Variants in HSPA8 observed in about 807,000 individuals in gnomAD.
HSPA8 encodes heat shock protein family A (Hsp70) member 8.
HSPA8 carries 2 observed loss-of-function variants against 52.8 expected under a neutral mutation model. That is an observed-to-expected ratio of 0.04 (90% confidence interval 0.02 to 0.12). The LOEUF is 0.12. Ranked by LOEUF, HSPA8 falls within the 10% of genes least tolerant of loss-of-function variation. HSPA8 has a pLI of 1.00. For synonymous variants in HSPA8, 436 were observed against 274.0 expected (o/e 1.59, Z -5.84); for missense variants, 349 against 800.5 (o/e 0.44, Z 6.81).
At position 123,060,273 on chromosome 11, in the gene HSPA8, G is replaced by A. The variant is rs376289562; in HGVS notation, c.412-5C>T. ...GACCACAGCATTGGTAACAGTCTAG[G>A]AATAAGGAAAAGACCACAGATTGGT... On this transcript the variant is annotated splice_region_variant and splice_polypyrimidine_tract_variant and intron_variant, in intron 3 of 8. Coordinates refer to ENST00000534624, the MANE Select transcript of HSPA8 (RefSeq NM_006597.6). The A allele has an allele frequency of 1.0e-4, 164 of 1,612,356 alleles. No homozygotes were observed. Among genetic ancestry groups the A allele is most frequent in the Non-Finnish European group, 1.3e-4 (154 of 1,179,658 alleles).
At chr11:123,059,031 G>C (rs1865409813) in intron 6 of HSPA8, 28 bp downstream of exon 6, 1 of 1,584,862 alleles carries the variant, frequency 6.3e-7, no homozygotes, top group African/African-American at 1.3e-5. Flanking sequence ...TTATCAGTAA[G>C]CCAAACAAGA....
At chr11:123,061,059 T>A (rs897272450) in intron 2 of HSPA8, 61 bp downstream of exon 2, 1 of 1,451,682 alleles carries the variant, frequency 6.9e-7, no homozygotes, top group Non-Finnish European at 9.6e-7. Flanking sequence ...TCACGTTTCA[T>A]AAACTTTTGT....
At position 123,060,289 on chromosome 11, in the gene HSPA8, A is replaced by T. The variant is rs1358804074; in HGVS notation, c.412-21T>A. 10 of 1,609,430 alleles carry T rather than the reference A, an allele frequency of 6.2e-6. No individual in the cohort carries two copies. The Admixed American group carries it at 1.5e-4, about 24-fold the overall frequency. On this transcript the variant is annotated intron_variant, in intron 3 of 8. Coordinates refer to ENST00000534624, the MANE Select transcript of HSPA8 (RefSeq NM_006597.6). ...ACAGTCTAGGAATAAGGAAAAGACC[A>T]CAGATTGGTAACTATTATACTTACA...
In HSPA8 at chr11:123,058,226, GAAAAAAAA is replaced by G. The variant is rs71057327; in HGVS notation, c.1755+18_1755+25del. On this transcript the variant is annotated intron_variant, in intron 8 of 8. Transcript: ENST00000534624. The stretch of plus-strand genomic sequence containing the variant: ...CCTTCCCCTCCATTGAGTGGGGGAG[GAAAAAAAA>G]AAAAAAAAAACACAAACCTGATTCT... The G allele has an allele frequency of 1.1e-5, 11 of 1,013,512 alleles. No individual in the cohort carries two copies. The highest frequency in any genetic ancestry group is 7.6e-5 in the African/African-American group (4 of 52,590). 62.8% of individuals were successfully genotyped at this position (1,013,512 alleles called of 1,614,324 possible).
At chr11:123,061,083 G>A (rs376044760) in intron 2 of HSPA8, 37 bp downstream of exon 2, 3 of 1,563,374 alleles carry the variant, frequency 1.9e-6, no homozygotes, top group Non-Finnish European at 2.6e-6. Context: ...TCCTAGCCCT[G>A]TTATATTTGT....
intron 3 of HSPA8, 121 bp downstream of exon 3, chr11:123,060,472 T>C (rs990215076): frequency 3.3e-6 from 3 of 920,036 alleles, no homozygotes; most frequent in South Asian, 3.1e-5. Flanking sequence ...GTTGGGCACG[T>C]GGTCTTAACC....
chr11:123,059,299 GA>G (rs981966846), intron 5 of HSPA8, 38 bp from the exon 6 acceptor site: 10 of 1,563,938 alleles, frequency 6.4e-6, no homozygotes, highest in Non-Finnish European at 8.8e-6. Flanking sequence ...GAAGTTAAAA[GA>G]AAACCCAGTA....
At chr11:123,061,063 C>T in intron 2 of HSPA8, 57 bp downstream of exon 2, 6 of 1,478,306 alleles carry the variant, frequency 4.1e-6, no homozygotes, top group Non-Finnish European at 5.7e-6. Context: ...GTTTCATAAA[C>T]TTTTGTGCTT....
At position 123,058,750 on chromosome 11, in the gene HSPA8, G is replaced by C; in HGVS notation, c.1404C>G (p.Pro468=). 6.2e-7 allele frequency: 1 copy of C among 1,613,808 alleles called. No homozygotes were observed. Among genetic ancestry groups the C allele is most frequent in the East Asian group, 2.2e-5 (1 of 44,876 alleles). ...KFELTGIPPA[P]RGVPQIEVTF... ...TGACTTCAATCTGAGGAACACCTCG[G>C]GGTGCAGGAGGTATGCCTGTGAGTT... The change falls in exon 7 of 9, where the codon CCC becomes CCG. Residue 468 remains proline (P), a synonymous_variant. Transcript: ENST00000534624.
At chr11:123,061,084 TTA>T in intron 2 of HSPA8, 34 bp downstream of exon 2, 4 of 1,561,022 alleles carry the variant, frequency 2.6e-6, no homozygotes, top group Non-Finnish European at 3.5e-6. Flanking sequence ...CCTAGCCCTG[TTA>T]TATTTGTTCT....
rs376026739 is a variant in HSPA8 at position 123,059,277 on chromosome 11, T to G, written c.1121-16A>C. 2 of 1,605,800 alleles carry G rather than the reference T, an allele frequency of 1.2e-6. No individual in the cohort carries two copies. Among genetic ancestry groups the G allele is most frequent in the African/African-American group, 1.3e-5 (1 of 74,640 alleles). ...GCCTGGACAGCTAGCAAACAAAAAG[T>G]TAACGTTAAAAGAAGTTAAAAGAAA... On this transcript the variant is annotated splice_polypyrimidine_tract_variant and intron_variant, in intron 5 of 8. Coordinates refer to ENST00000534624, the MANE Select transcript of HSPA8 (RefSeq NM_006597.6).
At chr11:123,061,657 A>C (rs4935825) in intron 1 of HSPA8, 119,650 of 384,710 alleles carry the variant, frequency 0.31, 21,784 homozygotes, top group Middle Eastern at 0.4. Context: ...ACGGGCTTTT[A>C]ACTACTCCGG....
In HSPA8 at chr11:123,058,735, C is replaced by T. The variant is rs1364003168; in HGVS notation, c.1419G>A (p.Gln473=). 6.2e-7 allele frequency: 1 copy of T among 1,614,048 alleles called. No individual in the cohort carries two copies. The highest frequency in any genetic ancestry group is 8.5e-7 in the Non-Finnish European group (1 of 1,179,968). Residue 473 remains glutamine (Q), a synonymous_variant, in exon 7 of 9, where the codon CAG becomes CAA. Transcript: ENST00000534624. ...CATCAATGTCAAAAGTGACTTCAAT[C>T]TGAGGAACACCTCGGGGTGCAGGAG... ...GIPPAPRGVP[Q]IEVTFDIDAN...
chr11:123,060,394 G>A (rs1865457564), intron 3 of HSPA8, 126 bp from the exon 4 acceptor site: 3 of 1,015,004 alleles, frequency 3.0e-6, no homozygotes, highest in South Asian at 1.5e-5. Flanking sequence ...GTAAATTACT[G>A]TGTAATTGTC....
At position 123,057,589 on chromosome 11, in the gene HSPA8, T is replaced by C. The variant is rs892537836; in HGVS notation, c.*145A>G. On this transcript the variant is annotated 3_prime_UTR_variant, in exon 9 of 9. Coordinates refer to ENST00000534624, the MANE Select transcript of HSPA8 (RefSeq NM_006597.6). The stretch of plus-strand genomic sequence containing the variant: ...CAATGTTATTTCCTTCCCCTGTGCA[T>C]ATGTTCCATATTCAAGTATTGAGAA... 5.1e-6 allele frequency: 3 copies of C among 593,830 alleles called. No homozygotes were observed. The highest frequency in any genetic ancestry group is 3.8e-5 in the African/African-American group (2 of 52,742). 36.8% of individuals were successfully genotyped at this position (593,830 alleles called of 1,614,324 possible).
intron 7 of HSPA8, 72 bp downstream of exon 7, chr11:123,058,560 C>A (rs757169650): frequency 8.3e-6 from 13 of 1,560,226 alleles, no homozygotes; most frequent in Middle Eastern, 3.3e-4. Context: ...CTTAGCTAGA[C>A]GCCCTTAGGC....
In HSPA8 at chr11:123,061,169, A is replaced by G; in HGVS notation, c.156T>C (p.Gly52=). The change falls in exon 2 of 9, where the codon GGT becomes GGC. Residue 52 remains glycine, a synonymous_variant. Coordinates refer to ENST00000534624, the MANE Select transcript of HSPA8 (RefSeq NM_006597.6). ...VAFTDTERLI[G]DAAKNQVAMN... is the part of the protein sequence containing the mutation. ...TTGCAACTTGATTCTTTGCGGCATC[A>G]CCGATCAACCGTTCAGTGTCCGTAA... The G allele has an allele frequency of 6.2e-7, 1 of 1,613,870 alleles. No homozygotes were observed. Among genetic ancestry groups the G allele is most frequent in the Non-Finnish European group, 8.5e-7 (1 of 1,179,850 alleles).
At chr11:123,058,938 CA>C in intron 6 of HSPA8, 108 bp from the exon 7 acceptor site, 1 of 1,385,246 alleles carries the variant, frequency 7.2e-7, no homozygotes, top group African/African-American at 1.4e-5. Context: ...AGGAACTGGC[CA>C]ACATAAGACT....
intron 3 of HSPA8, 41 bp downstream of exon 3, chr11:123,060,552 A>C (rs1424140275): frequency 2.0e-6 from 3 of 1,466,094 alleles, no homozygotes; most frequent in Admixed American, 3.4e-5. Flanking sequence ...CGGGCTTTTA[A>C]CTACTCCGGA....
Sources: allele counts gnomAD v4.1 joint callset, GRCh38; gene constraint gnomAD v4.1.1; transcripts MANE v1.5; gene names NCBI Gene and HGNC (gene_info 2026-07-23, HGNC 2026-07-21).